The following AP3S1 variants were observed in gnomAD, a reference collection of about 807,000 sequenced individuals.
AP3S1 encodes the protein AP-3 complex subunit sigma-1.
AP3S1 carries 12 observed loss-of-function variants against 21.3 expected under a neutral mutation model. That is an observed-to-expected ratio of 0.56 (90% CI 0.36 to 0.91). AP3S1 has a LOEUF of 0.91. Ranked by LOEUF, AP3S1 falls within the 40% of genes least tolerant of loss-of-function variation. The probability of loss-of-function intolerance (pLI) is 0.01; values close to 1 mark genes in which losing one functional copy is unlikely to be tolerated. For synonymous variants in AP3S1, 48 were observed against 78.4 expected, an observed-to-expected ratio of 0.61 and a Z score of 2.05; for missense variants, 116 against 225.0, an observed-to-expected ratio of 0.52 and a Z score of 3.10.
intron 1 of AP3S1, among the ~76,000 whole-genome samples, chr5:115,864,540 T>A (rs1419262779): frequency 1.3e-5 from 2 of 152,190 alleles, no homozygotes; most frequent in African/African-American, 4.8e-5. Flanking sequence ...AAGGGTGACA[T>A]CATTAAAGAT....
intron 3 of AP3S1, among the ~76,000 whole-genome samples, chr5:115,885,490 A>G (rs1392054461): frequency 6.6e-6 from 1 of 152,228 alleles, no homozygotes; most frequent in Non-Finnish European, 1.5e-5. Context: ...GGAAGCAATC[A>G]GTATGGGAGA....
chr5:115,885,602 T>C (rs562525296), intron 3 of AP3S1, among the ~76,000 whole-genome samples: 2 of 152,324 alleles, frequency 1.3e-5, no homozygotes, highest in East Asian at 3.9e-4. Context: ...CCCACCCACA[T>C]TGAGGGCAGG....
intron 1 of AP3S1, 114 bp from the exon 2 acceptor site, chr5:115,866,556 C>T: frequency 1.8e-6 from 1 of 550,540 alleles, no homozygotes; most frequent in Non-Finnish European, 2.9e-6. Context: ...TCCAAGGACC[C>T]CTCTCTTAGA....
intron 3 of AP3S1, among the ~76,000 whole-genome samples, chr5:115,883,258 A>G (rs1251979876): frequency 6.6e-6 from 1 of 152,156 alleles, no homozygotes. Context: ...GTATGAGAAA[A>G]AACTCCTGCA....
rs562271735 is a variant in AP3S1, at chr5:115,842,583, T to C, written c.69+477T>C. On this transcript the variant is annotated intron_variant, in intron 1 of 5. Coordinates refer to ENST00000316788, the MANE Select transcript of AP3S1 (RefSeq NM_001284.4). ...CGACTCCCATCCTTTCCAGGTGGAC[T>C]TCTTTCTGTTCTTTGGACAGATGGG... 8.5e-4 allele frequency: 134 copies of C among 157,760 alleles called. 1 individual carries two copies. The highest frequency in any genetic ancestry group is 1.4e-3 in the Non-Finnish European group (104 of 71,992). 9.8% of individuals were successfully genotyped at this position (157,760 alleles called of 1,614,324 possible). A position where few individuals can be genotyped will look rare whatever the true frequency, so the allele number is the denominator to read the frequency against.
At chr5:115,878,289 G>C (rs539171229) in intron 3 of AP3S1, among the ~76,000 whole-genome samples, 99 of 152,320 alleles carry the variant, frequency 6.5e-4, no homozygotes, top group African/African-American at 2.4e-3. Context: ...CCTATGTCCT[G>C]AATGGTATTG....
intron 1 of AP3S1, among the ~76,000 whole-genome samples, chr5:115,853,533 T>G (rs1762593760): frequency 1.3e-5 from 2 of 152,204 alleles, no homozygotes; most frequent in South Asian, 4.1e-4. Flanking sequence ...TAAAAAATCT[T>G]TGCCTACTCC....
chr5:115,912,307 C>A lies in AP3S1; in HGVS notation c.454-1055C>A, dbSNP rs533788102. ...TTCGTTTTTGTTGTCTATTTTTGTA[C>A]AAAATGATGCCACTGAACTCAGATG... On this transcript the variant is annotated intron_variant, in intron 5 of 5. Transcript: ENST00000316788. 3.9e-5 allele frequency among the ~76,000 whole-genome samples: 6 copies of A among 151,984 alleles called. No homozygotes were observed. In the South Asian group the frequency reaches 1.2e-3, roughly 32 times the overall value.
intron 4 of AP3S1, among the ~76,000 whole-genome samples, chr5:115,897,537 G>C (rs1036069571): frequency 1.3e-5 from 2 of 151,788 alleles, no homozygotes; most frequent in Admixed American, 1.3e-4. Context: ...CCAGCAGTAG[G>C]GATCTTCTGA....
intron 1 of AP3S1, among the ~76,000 whole-genome samples, chr5:115,854,838 G>A (rs1762683437): frequency 6.6e-6 from 1 of 151,762 alleles, no homozygotes; most frequent in African/African-American, 2.4e-5. Flanking sequence ...CCCTTCCTCA[G>A]TATTTGTCAC....
At chr5:115,884,522 T>A (rs10751460) in intron 3 of AP3S1, among the ~76,000 whole-genome samples, 1 of 151,872 alleles carries the variant, frequency 6.6e-6, no homozygotes, top group East Asian at 1.9e-4. Context: ...TTGCTGTGAG[T>A]TGAAATCACA....
At chr5:115,898,955 T>C (rs1415083883) in intron 4 of AP3S1, among the ~76,000 whole-genome samples, 4 of 152,224 alleles carry the variant, frequency 2.6e-5, no homozygotes, top group African/African-American at 4.8e-5. Flanking sequence ...GTTGCCCATA[T>C]TGGAAGAAAG....
Position 115,902,981 on chromosome 5 carries a change from G to A in AP3S1, c.442G>A (p.Glu148Lys). Residue 148 changes from glutamate (E) to lysine (K), a missense_variant, in exon 5 of 6, where the codon GAA (glutamate) becomes AAA (lysine). By Grantham distance (56) the Glu-to-Lys change is moderately conservative. This residue lies in a region of AP3S1 where 65 missense variants were observed against 148.2 expected (regional missense o/e 0.44). Coordinates refer to ENST00000316788, the MANE Select transcript of AP3S1 (RefSeq NM_001284.4). ...VTQIDAQNKL[E>K]KSEAGLAGAP... ...ACAAATTGATGCACAAAATAAGCTG[G>A]AAAAATCTGAGGTAAGAATGGAAAA... The A allele has an allele frequency of 6.2e-7, 1 of 1,613,488 alleles. No individual in the cohort carries two copies.
intron 1 of AP3S1, among the ~76,000 whole-genome samples, chr5:115,858,679 G>T (rs1762956118): frequency 6.6e-6 from 1 of 151,120 alleles, no homozygotes; most frequent in African/African-American, 2.4e-5. Flanking sequence ...TGTGCCCTTT[G>T]GGTCAATTTC....
intron 4 of AP3S1, among the ~76,000 whole-genome samples, chr5:115,897,687 G>T (rs953450689): frequency 2.0e-5 from 3 of 151,832 alleles, no homozygotes; most frequent in African/African-American, 4.8e-5. Flanking sequence ...AGCCTCCCGA[G>T]TAGCTGGGAC....
At chr5:115,872,868 G>GA (rs549934590) in intron 3 of AP3S1, among the ~76,000 whole-genome samples, 31 of 151,790 alleles carry the variant, frequency 2.0e-4, no homozygotes, top group Non-Finnish European at 2.9e-4. Flanking sequence ...TATTTTTACA[G>GA]AAAAAAAATT....
intron 3 of AP3S1, among the ~76,000 whole-genome samples, chr5:115,887,500 G>A (rs1216601462): frequency 1.3e-5 from 2 of 151,562 alleles, no homozygotes; most frequent in Non-Finnish European, 2.9e-5. Flanking sequence ...CCAAATAAGT[G>A]GTATTGTTTA....
intron 3 of AP3S1, among the ~76,000 whole-genome samples, chr5:115,885,291 G>A (rs1460289806): frequency 6.6e-6 from 1 of 152,182 alleles, no homozygotes; most frequent in Non-Finnish European, 1.5e-5. Context: ...CCGTCTGCAA[G>A]CTGGGGAAGA....
intron 1 of AP3S1, among the ~76,000 whole-genome samples, chr5:115,842,318 C>A (rs760027439): frequency 5.3e-5 from 8 of 152,166 alleles, no homozygotes; most frequent in Non-Finnish European, 1.2e-4. Flanking sequence ...TGGCTTTGCC[C>A]GGGCGGTTCC....
Sources: allele counts gnomAD v4.1 joint callset (sites outside exome capture counted in the v4.1 genomes callset), GRCh38; gene constraint gnomAD v4.1.1; regional missense constraint gnomAD v4.1.1; transcripts MANE v1.5; gene names NCBI Gene and HGNC (gene_info 2026-07-23, HGNC 2026-07-21).